PDE10A: variants seen among roughly 807,000 people sequenced by gnomAD.
PDE10A encodes the protein phosphodiesterase 10A, also known as cAMP and cAMP-inhibited cGMP 3',5'-cyclic phosphodiesterase 10A.
In PDE10A, 39 loss-of-function variants were observed where a neutral mutation model predicts 97.7. The ratio of observed to expected loss-of-function variants is 0.40; its 90% CI spans 0.31 to 0.52. PDE10A has a LOEUF of 0.52. Ranked by LOEUF, PDE10A falls within the 20% of genes least tolerant of loss-of-function variation. The probability of loss-of-function intolerance (pLI) is 0.56; values close to 1 mark genes in which losing one functional copy is unlikely to be tolerated. For missense variants in PDE10A, 731 were observed against 1,047.8 expected, an observed-to-expected ratio of 0.70 and a Z score of 4.17; for synonymous variants, 371 against 376.8, an observed-to-expected ratio of 0.98 and a Z score of 0.18.
intron 1 of PDE10A, among the ~76,000 whole-genome samples, chr6:165,764,813 C>T (rs372664621): frequency 6.6e-6 from 1 of 152,082 alleles, no homozygotes; most frequent in Non-Finnish European, 1.5e-5. Flanking sequence ...CACAGAGTGT[C>T]GAAGGGGACC....
At chr6:165,622,257 T>C (rs942941784) in intron 1 of PDE10A, among the ~76,000 whole-genome samples, 1 of 149,218 alleles carries the variant, frequency 6.7e-6, no homozygotes, top group African/African-American at 2.5e-5. Context: ...TCTGTCTCTG[T>C]ATATGTGTGT....
rs992573428 is a variant in PDE10A, at chr6:165,340,697, C to A, written c.2896-1339G>T. ...CCATGGCTCTAACAGAGGGCTGAGC[C>A]AATCTGAGGCTTTCACAGAATACAG... On this transcript the variant is annotated intron_variant, in intron 19 of 21. Transcript: ENST00000539869. Among the ~76,000 whole-genome samples the A allele has an allele frequency of 3.3e-5, 5 of 152,162 alleles. No homozygotes were observed. In the East Asian group the frequency reaches 7.7e-4, roughly 23 times the overall value.
chr6:165,335,326 A>T (rs775969271), intron 21 of PDE10A, among the ~76,000 whole-genome samples: 12 of 152,170 alleles, frequency 7.9e-5, no homozygotes, highest in Non-Finnish European at 1.5e-4. Context: ...TGTGTGATCT[A>T]GTCAGCCTCT....
At chr6:165,705,037 C>T (rs1037323488) in intron 1 of PDE10A, among the ~76,000 whole-genome samples, 5 of 152,240 alleles carry the variant, frequency 3.3e-5, no homozygotes, top group Non-Finnish European at 7.3e-5. Context: ...TCTCAAAGCA[C>T]GAGCCCTGTT....
At chr6:165,735,660 C>T (rs1452510576) in intron 1 of PDE10A, among the ~76,000 whole-genome samples, 1 of 152,042 alleles carries the variant, frequency 6.6e-6, no homozygotes, top group African/African-American at 2.4e-5. Flanking sequence ...TCTCTCTCAC[C>T]TGGGGGATGG....
chr6:165,389,413 A>T (rs1214660505), intron 16 of PDE10A, among the ~76,000 whole-genome samples: 1 of 152,184 alleles, frequency 6.6e-6, no homozygotes, highest in Non-Finnish European at 1.5e-5. Context: ...TAAAGTCTGG[A>T]TGCATTTTGC....
At chr6:165,504,168 C>G (rs1781059222) in intron 2 of PDE10A, among the ~76,000 whole-genome samples, 1 of 151,766 alleles carries the variant, frequency 6.6e-6, no homozygotes, top group South Asian at 2.1e-4. Context: ...ACAGTTGTAG[C>G]CTAAGGAGGA....
Position 165,771,847 on chromosome 6 carries a change from C to T in PDE10A, c.-615+215682G>A, listed in dbSNP as rs954525035. 5.3e-5 allele frequency among the ~76,000 whole-genome samples: 8 copies of T among 152,088 alleles called. 1 individual carries two copies. The highest frequency in any genetic ancestry group is 3.9e-4 in the Admixed American group (6 of 15,274). Reference sequence around the variant, plus strand: ...GATGAATGCTAGGTGGCCTGTGGGGCGGATGAGCCACCCTGGCCTACGCGG... The same window carrying T: ...GATGAATGCTAGGTGGCCTGTGGGGTGGATGAGCCACCCTGGCCTACGCGG... On this transcript the variant is annotated intron_variant, in intron 1 of 19. Coordinates refer to the PDE10A transcript ENST00000366882.
intron 1 of PDE10A, among the ~76,000 whole-genome samples, chr6:165,834,383 C>A (rs373583068): frequency 6.6e-5 from 10 of 152,348 alleles, no homozygotes; most frequent in African/African-American, 2.2e-4. Flanking sequence ...AAATCTAAGT[C>A]TGTGCAGCCT....
At chr6:165,629,498 G>A (rs952631681) in intron 1 of PDE10A, among the ~76,000 whole-genome samples, 2 of 150,138 alleles carry the variant, frequency 1.3e-5, no homozygotes, top group Admixed American at 6.7e-5. Flanking sequence ...TGTCCAAGTA[G>A]AGAATGAAGG....
At chr6:165,847,660 C>A (rs565674701) in intron 1 of PDE10A, among the ~76,000 whole-genome samples, 1 of 152,238 alleles carries the variant, frequency 6.6e-6, no homozygotes, top group Admixed American at 6.5e-5. Flanking sequence ...TTTCTGATAA[C>A]GTCTTGCTTT....
intron 19 of PDE10A, among the ~76,000 whole-genome samples, 164 bp from the exon 20 acceptor site, chr6:165,339,522 T>C (rs986749444): frequency 3.9e-5 from 6 of 152,252 alleles, no homozygotes; most frequent in Admixed American, 1.3e-4. Flanking sequence ...AAACTTAATG[T>C]ATCATTATTT....
intron 18 of PDE10A, among the ~76,000 whole-genome samples, chr6:165,366,425 C>G (rs1783772684): frequency 2.0e-5 from 3 of 151,950 alleles, no homozygotes; most frequent in Admixed American, 2.0e-4. Flanking sequence ...TGGCTAGATA[C>G]TAAACAAAGT....
intron 1 of PDE10A, among the ~76,000 whole-genome samples, chr6:165,860,519 C>G (rs1482065770): frequency 6.6e-6 from 1 of 152,090 alleles, no homozygotes; most frequent in Non-Finnish European, 1.5e-5. Context: ...GGCAAAGGAC[C>G]CTTGTTTACA....
intron 18 of PDE10A, among the ~76,000 whole-genome samples, chr6:165,371,859 C>T (rs1784274684): frequency 6.6e-6 from 1 of 152,122 alleles, no homozygotes; most frequent in Non-Finnish European, 1.5e-5. Context: ...TCCAGCAGCA[C>T]ATCAAAAAGC....
rs76528296 is a variant in PDE10A at position 165,921,542 on chromosome 6, G to T, written c.-615+65987C>A. Among the ~76,000 whole-genome samples the T allele has an allele frequency of 7.8e-3, 1,187 of 152,318 alleles. 16 individuals carry two copies. Among genetic ancestry groups the T allele is most frequent in the African/African-American group, 0.025 (1,052 of 41,558 alleles). ...GAACAGGAGAAGAAAGATCAGGAGT[G>T]CTGGGGATACAGGCTGACATTTACA... On this transcript the variant is annotated intron_variant, in intron 1 of 19. Coordinates refer to the PDE10A transcript ENST00000366882.
intron 1 of PDE10A, among the ~76,000 whole-genome samples, chr6:165,715,095 C>T (rs926559140): frequency 2.0e-5 from 3 of 152,242 alleles, no homozygotes; most frequent in Admixed American, 6.5e-5. Flanking sequence ...GACGGCCGCC[C>T]GAGAACCCCC....
chr6:165,711,706 C>T lies in PDE10A; in HGVS notation c.-614-168138G>A, dbSNP rs1791899614. Among the ~76,000 whole-genome samples, 1 of 152,186 alleles carries T rather than the reference C, an allele frequency of 6.6e-6. No homozygotes were observed. Among genetic ancestry groups the T allele is most frequent in the Admixed American group, 6.5e-5 (1 of 15,284 alleles). On this transcript the variant is annotated intron_variant, in intron 1 of 19. Coordinates refer to the PDE10A transcript ENST00000366882. The surrounding 1 kb of genome is among the most constrained non-coding windows in gnomAD (Gnocchi z 4.5). ...TTAATACCTGCTGAGCTACGTTCAGCTCAGGCACAAGCCTGTTCAGAACAA... is the reference window on the plus strand; with the variant it reads ...TTAATACCTGCTGAGCTACGTTCAGTTCAGGCACAAGCCTGTTCAGAACAA...
At chr6:165,362,212 G>A (rs1175991530) in intron 18 of PDE10A, among the ~76,000 whole-genome samples, 1 of 152,062 alleles carries the variant, frequency 6.6e-6, no homozygotes, top group Admixed American at 6.6e-5. Flanking sequence ...AAATTTGGAT[G>A]AGAAAAACAT....
Sources: gnomAD v4.1 joint callset for allele counts (sites outside exome capture counted in the v4.1 genomes callset) on GRCh38, gnomAD v4.1.1 for gene constraint, Gnocchi (gnomAD v3.1) non-coding constraint, MANE v1.5 for transcripts, NCBI Gene and HGNC (gene_info 2026-07-23, HGNC 2026-07-21) for gene names.